TSHZ2: variants seen among roughly 807,000 people sequenced by gnomAD.
The protein encoded by TSHZ2 is teashirt homolog 2.
A neutral mutation model predicts 74.4 loss-of-function variants in TSHZ2; 21 were observed. The ratio of observed to expected loss-of-function variants is 0.28; its 90% confidence interval spans 0.20 to 0.41. The LOEUF (loss-of-function observed/expected upper bound fraction) is 0.41. Ranked by LOEUF, TSHZ2 falls within the 10% of genes least tolerant of loss-of-function variation. The pLI, the probability that TSHZ2 is intolerant of heterozygous loss-of-function variation, is 1.00. For synonymous variants in TSHZ2, 540 were observed against 515.3 expected (o/e 1.05, Z -0.65); for missense variants, 1,244 against 1,293.5 (o/e 0.96, Z 0.59).
chr20:53,285,918 G>T (rs1184339145), intron 2 of TSHZ2, among the ~76,000 whole-genome samples: 1 of 152,134 alleles, frequency 6.6e-6, no homozygotes, highest in African/African-American at 2.4e-5. Context: ...TGTAGCATCA[G>T]GGAGTAGGAC....
At chr20:53,018,378 T>C (rs2063451641) in intron 1 of TSHZ2, among the ~76,000 whole-genome samples, 1 of 152,172 alleles carries the variant, frequency 6.6e-6, no homozygotes, top group African/African-American at 2.4e-5. Flanking sequence ...TGAAGTGAGC[T>C]CATTGGCTTG....
chr20:53,005,334 A>G (rs1337231709), intron 1 of TSHZ2, among the ~76,000 whole-genome samples: 4 of 152,102 alleles, frequency 2.6e-5, no homozygotes, highest in African/African-American at 9.7e-5. Context: ...ATAAATAAAT[A>G]AACAAATAAG....
At chr20:53,178,619 A>G (rs1039750481) in intron 1 of TSHZ2, 5 of 152,248 alleles carry the variant, frequency 3.3e-5, no homozygotes, top group Non-Finnish European at 7.3e-5. Flanking sequence ...AATTAAAATA[A>G]GGTGATTTCA....
chr20:53,020,588 A>C (rs1448270958), intron 1 of TSHZ2, among the ~76,000 whole-genome samples: 3 of 152,158 alleles, frequency 2.0e-5, no homozygotes, highest in African/African-American at 7.2e-5. Context: ...GTCACATTCC[A>C]ATTAAACAGA....
chr20:53,189,464 C>T (rs949442821), intron 1 of TSHZ2, among the ~76,000 whole-genome samples: 1 of 152,176 alleles, frequency 6.6e-6, no homozygotes, highest in African/African-American at 2.4e-5. Flanking sequence ...TCTGTAGAAA[C>T]ATTAATAATG....
intron 2 of TSHZ2, among the ~76,000 whole-genome samples, chr20:53,478,518 G>C (rs1417309157): frequency 1.7e-5 from 2 of 116,210 alleles, no homozygotes; most frequent in Non-Finnish European, 3.5e-5. Context: ...GTTGTAGGGT[G>C]GGGGGAGGGG....
chr20:53,268,454 C>T (rs977171848), intron 2 of TSHZ2, among the ~76,000 whole-genome samples: 4 of 152,286 alleles, frequency 2.6e-5, no homozygotes, highest in East Asian at 1.9e-4. Context: ...GGAGAAAAGA[C>T]TGCCTATCCA....
At chr20:53,164,346 T>C (rs1988017022) in intron 1 of TSHZ2, among the ~76,000 whole-genome samples, 1 of 152,118 alleles carries the variant, frequency 6.6e-6, no homozygotes, top group Admixed American at 6.5e-5. Context: ...TTATTTTGAT[T>C]ATTGACAATT....
At chr20:53,274,499 C>G (rs1404461216) in intron 2 of TSHZ2, among the ~76,000 whole-genome samples, 1 of 152,146 alleles carries the variant, frequency 6.6e-6, no homozygotes, top group East Asian at 1.9e-4. Context: ...TTGTCTTTTT[C>G]AAAATGATTT....
At chr20:53,240,707 AATAGATAGATAGATGATAG>A (rs1450572195) in intron 1 of TSHZ2, among the ~76,000 whole-genome samples, 1 of 144,800 alleles carries the variant, frequency 6.9e-6, no homozygotes, top group Non-Finnish European at 1.5e-5. Flanking sequence ...TGTGCATTAA[AATAGATAGATAGATGATAG>A]ATAGATAGAT....
intron 2 of TSHZ2, among the ~76,000 whole-genome samples, chr20:53,307,338 C>T (rs965209359): frequency 6.6e-6 from 1 of 152,210 alleles, no homozygotes; most frequent in African/African-American, 2.4e-5. Flanking sequence ...GACCCTCTCT[C>T]TGAGCTATAG....
intron 2 of TSHZ2, among the ~76,000 whole-genome samples, chr20:53,318,245 C>T (rs1177320028): frequency 6.6e-6 from 1 of 152,188 alleles, no homozygotes; most frequent in Admixed American, 6.5e-5. Context: ...TAGAAAGATC[C>T]TTCTGGTAGG....
At chr20:53,338,202 T>C (rs1433080150) in intron 2 of TSHZ2, among the ~76,000 whole-genome samples, 1 of 152,216 alleles carries the variant, frequency 6.6e-6, no homozygotes, top group Non-Finnish European at 1.5e-5. Flanking sequence ...GCAGAGAGAA[T>C]GTCTTCATAA....
intron 2 of TSHZ2, among the ~76,000 whole-genome samples, chr20:53,346,786 G>T (rs1980457788): frequency 6.6e-6 from 1 of 152,206 alleles, no homozygotes; most frequent in South Asian, 2.1e-4. Flanking sequence ...ATATTCTGTA[G>T]ACATCTACAA....
intron 2 of TSHZ2, among the ~76,000 whole-genome samples, chr20:53,340,479 T>A (rs531423560): frequency 6.6e-6 from 1 of 152,322 alleles, no homozygotes; most frequent in Admixed American, 6.5e-5. Flanking sequence ...CCACTGCACC[T>A]GGCTGCTAAA....
At chr20:53,318,634 T>C (rs1779058601) in intron 2 of TSHZ2, among the ~76,000 whole-genome samples, 1 of 152,172 alleles carries the variant, frequency 6.6e-6, no homozygotes, top group African/African-American at 2.4e-5. Flanking sequence ...GTAGCTTCCC[T>C]GGGAGAAGAA....
At chr20:53,362,508 C>T (rs760504330) in intron 2 of TSHZ2, among the ~76,000 whole-genome samples, 2 of 152,170 alleles carry the variant, frequency 1.3e-5, no homozygotes, top group Admixed American at 6.5e-5. Flanking sequence ...ATGCTCTGAA[C>T]TGTATAGAAA....
intron 2 of TSHZ2, among the ~76,000 whole-genome samples, chr20:53,451,829 A>G (rs1851629457): frequency 6.6e-6 from 1 of 152,198 alleles, no homozygotes; most frequent in Non-Finnish European, 1.5e-5. Flanking sequence ...TCCAATTTTG[A>G]TCACCACTTA....
chr20:53,274,777 C>T (rs76624046), intron 2 of TSHZ2, among the ~76,000 whole-genome samples: 4,356 of 152,252 alleles, frequency 0.029, 196 homozygotes, highest in East Asian at 0.22. Flanking sequence ...TCCTCGCTAG[C>T]GCTCTTTCTC....
Sources: allele counts gnomAD v4.1 joint callset (sites outside exome capture counted in the v4.1 genomes callset), GRCh38; gene constraint gnomAD v4.1.1; transcripts MANE v1.5; gene names NCBI Gene and HGNC (gene_info 2026-07-23, HGNC 2026-07-21).